The following SPATA17 variants were observed in gnomAD, a reference collection of about 807,000 sequenced individuals.
The protein encoded by SPATA17 is spermatogenesis associated 17.
In SPATA17, 53 loss-of-function variants were observed where a neutral mutation model predicts 62.2. The observed-to-expected ratio is 0.85, with a 90% CI of 0.68 to 1.07. SPATA17 has a LOEUF of 1.07. Ranked by LOEUF, SPATA17 falls within the 50% of genes least tolerant of loss-of-function variation. The pLI is 0.00. For synonymous variants in SPATA17, 146 were observed against 146.8 expected (o/e 0.99, Z 0.04); for missense variants, 466 against 425.5 (o/e 1.10, Z -0.84).
At chr1:217,714,315 G>A (rs1377215691) in intron 5 of SPATA17, among the ~76,000 whole-genome samples, 2 of 151,618 alleles carry the variant, frequency 1.3e-5, no homozygotes, top group African/African-American at 2.4e-5. Flanking sequence ...CTTGAACCCG[G>A]GAGGCAGAGG....
At chr1:217,795,194 C>G (rs181217692) in intron 8 of SPATA17, among the ~76,000 whole-genome samples, 11 of 152,144 alleles carry the variant, frequency 7.2e-5, no homozygotes, top group Admixed American at 3.3e-4. Flanking sequence ...CAGGGCTTCT[C>G]AGTCTTAAAT....
chr1:217,670,602 C>T lies in SPATA17; in HGVS notation c.291+1519C>T, dbSNP rs116013478. On this transcript the variant is annotated intron_variant, in intron 4 of 10. Coordinates refer to ENST00000366933, the MANE Select transcript of SPATA17 (RefSeq NM_138796.4). ...TTTATCTTTGATTAATGTCAATGGG[C>T]AATGTTGAATTTTACCTGAGTCTTG... Among the ~76,000 whole-genome samples the T allele has an allele frequency of 6.5e-3, 984 of 152,244 alleles. 15 individuals are homozygous for T. Among genetic ancestry groups the T allele is most frequent in the African/African-American group, 0.023 (939 of 41,544 alleles).
chr1:217,822,515 G>A (rs1674888266), intron 9 of SPATA17, among the ~76,000 whole-genome samples: 1 of 150,472 alleles, frequency 6.6e-6, no homozygotes, highest in African/African-American at 2.4e-5. Context: ...TTAATCTGTG[G>A]TGTCTTTCAC....
chr1:217,835,080 T>A (rs1052832917), intron 9 of SPATA17, among the ~76,000 whole-genome samples: 2 of 152,182 alleles, frequency 1.3e-5, no homozygotes, highest in African/African-American at 4.8e-5. Flanking sequence ...TTATACCATC[T>A]AGCTTTGTGA....
chr1:217,822,370 T>C (rs776445390), intron 9 of SPATA17, among the ~76,000 whole-genome samples: 22 of 133,302 alleles, frequency 1.7e-4, no homozygotes, highest in Non-Finnish European at 6.8e-5. Flanking sequence ...AAAAGACATG[T>C]TTTTTTATAT....
chr1:217,695,983 G>T (rs1229973873), intron 5 of SPATA17, among the ~76,000 whole-genome samples: 3 of 150,648 alleles, frequency 2.0e-5, no homozygotes, highest in African/African-American at 7.3e-5. Context: ...GGAGCCTACA[G>T]AGGCAGGCAG....
At chr1:217,846,465 A>G (rs1195392191) in intron 9 of SPATA17, among the ~76,000 whole-genome samples, 2 of 152,064 alleles carry the variant, frequency 1.3e-5, no homozygotes, top group African/African-American at 4.8e-5. Flanking sequence ...GTAAAATTAG[A>G]TAAAATCAAG....
intron 8 of SPATA17, 58 bp downstream of exon 8, chr1:217,782,380 ATT>A: frequency 6.7e-7 from 1 of 1,489,472 alleles, no homozygotes; most frequent in East Asian, 2.4e-5. Context: ...AAATTTTCTA[ATT>A]TTTTTATTTT....
At chr1:217,837,863 A>G (rs1334310100) in intron 9 of SPATA17, among the ~76,000 whole-genome samples, 1 of 152,120 alleles carries the variant, frequency 6.6e-6, no homozygotes, top group African/African-American at 2.4e-5. Context: ...TGCTCTGTTT[A>G]CTAAATAGCA....
At chr1:217,782,822 A>AT (rs1673762337) in intron 8 of SPATA17, among the ~76,000 whole-genome samples, 1 of 60,246 alleles carries the variant, frequency 1.7e-5, no homozygotes, top group South Asian at 4.7e-4. Flanking sequence ...TGTAATTTTA[A>AT]ATTTTTTTTA....
intron 3 of SPATA17, among the ~76,000 whole-genome samples, chr1:217,667,750 A>T (rs148077967): frequency 9.2e-4 from 140 of 152,366 alleles, no homozygotes; most frequent in African/African-American, 3.3e-3. Context: ...GTTTAATAGC[A>T]ATGTCTGCTT....
At chr1:217,694,899 G>C (rs1194254546) in intron 5 of SPATA17, among the ~76,000 whole-genome samples, 1 of 141,720 alleles carries the variant, frequency 7.1e-6, no homozygotes, top group Non-Finnish European at 1.5e-5. Flanking sequence ...AGGGTAACCC[G>C]ACCTTTCTCT....
At chr1:217,745,940 C>T (rs11117921) in intron 6 of SPATA17, among the ~76,000 whole-genome samples, 77,289 of 151,428 alleles carry the variant, frequency 0.51, 21,000 homozygotes, top group Non-Finnish European at 0.62. Flanking sequence ...ATTCAGAGAA[C>T]AAAAGACACA....
intron 5 of SPATA17, among the ~76,000 whole-genome samples, chr1:217,698,049 A>G (rs1266028994): frequency 6.6e-6 from 1 of 152,072 alleles, no homozygotes. Context: ...TAATCTCAGC[A>G]TTTTGGGAGG....
At position 217,782,251 on chromosome 1, in the gene SPATA17, A is replaced by C. The variant is rs1477629808; in HGVS notation, c.801A>C (p.Pro267=). ...PLEPTLRVAE[P]IDELKLAREE... ...AGCCAACGTTGCGGGTGGCAGAACC[A>C]ATCGATGAGTTAAAGTTGGCCAGAG... is the stretch of plus-strand genomic sequence containing the variant. Residue 267 remains proline (P), a synonymous_variant, in exon 8 of 11, where the codon CCA becomes CCC. Transcript: ENST00000366933. 2 of 1,613,024 alleles carry C rather than the reference A, an allele frequency of 1.2e-6. No individual in the cohort carries two copies. Among genetic ancestry groups the C allele is most frequent in the Non-Finnish European group, 1.7e-6 (2 of 1,179,446 alleles).
At chr1:217,731,921 A>C (rs1672409734) in intron 5 of SPATA17, among the ~76,000 whole-genome samples, 1 of 152,236 alleles carries the variant, frequency 6.6e-6, no homozygotes, top group African/African-American at 2.4e-5. Flanking sequence ...ATAACCTACT[A>C]CAAAAAAAGC....
chr1:217,864,904 T>A (rs12239094), intron 10 of SPATA17, among the ~76,000 whole-genome samples: 5 of 151,500 alleles, frequency 3.3e-5, no homozygotes, highest in Non-Finnish European at 5.9e-5. Context: ...GTGTAGATTA[T>A]TTTTAATTAA....
chr1:217,860,686 C>G (rs1300833695), intron 9 of SPATA17, among the ~76,000 whole-genome samples: 1 of 152,086 alleles, frequency 6.6e-6, no homozygotes. Flanking sequence ...CTAGTGTTAG[C>G]ATGGTATATC....
At chr1:217,653,966 A>G (rs4601641) in intron 3 of SPATA17, among the ~76,000 whole-genome samples, 58,473 of 151,916 alleles carry the variant, frequency 0.38, 11,748 homozygotes, top group African/African-American at 0.45. Context: ...TCTCACAGGT[A>G]TGGAAAAAAT....
Sources: allele counts gnomAD v4.1 joint callset (sites outside exome capture counted in the v4.1 genomes callset), GRCh38; gene constraint gnomAD v4.1.1; transcripts MANE v1.5; gene names NCBI Gene and HGNC (gene_info 2026-07-23, HGNC 2026-07-21).